The following IGFL2 variants were observed in gnomAD, a reference collection of about 807,000 sequenced individuals.
IGFL2 encodes the protein insulin growth factor-like family member 2.
IGFL2 carries 7 observed loss-of-function variants against 13.9 expected under a neutral mutation model. The ratio of observed to expected loss-of-function variants is 0.51; its 90% CI spans 0.29 to 0.95. The LOEUF is 0.95. IGFL2 is among the 40% of genes least tolerant of loss of function. The pLI is 0.08. For synonymous variants in IGFL2, 55 were observed against 55.8 expected (o/e 0.99, Z 0.07); for missense variants, 138 against 147.8 (o/e 0.93, Z 0.34).
chr19:46,162,460 C>T (rs1240740738), downstream of IGFL2, among the ~76,000 whole-genome samples: 1 of 152,220 alleles, frequency 6.6e-6, no homozygotes. Context: ...TTTACATAAT[C>T]CCATACTTCT....
At chr19:46,144,226 A>C (rs747948157), upstream of IGFL2, among the ~76,000 whole-genome samples, 1 of 152,240 alleles carries the variant, frequency 6.6e-6, no homozygotes, top group Non-Finnish European at 1.5e-5. Flanking sequence ...ATTTATGGAT[A>C]CTGAAATGCC....
At chr19:46,163,250 G>A (rs1198020962), downstream of IGFL2, among the ~76,000 whole-genome samples, 3 of 152,134 alleles carry the variant, frequency 2.0e-5, no homozygotes, top group Admixed American at 6.5e-5. Context: ...GGGACTCCTG[G>A]GCTGCCCACT....
At chr19:46,100,636 T>G in the IGFL2 span, among the ~76,000 whole-genome samples, 4 of 152,162 alleles carry the variant, frequency 2.6e-5, no homozygotes, top group Non-Finnish European at 5.9e-5. Flanking sequence ...TGCATTGCCA[T>G]GGTGAAGTTT....
the IGFL2 span, among the ~76,000 whole-genome samples, chr19:46,191,171 GA>G: frequency 6.6e-6 from 1 of 151,724 alleles, no homozygotes; most frequent in African/African-American, 2.4e-5. Context: ...ATTAATAAAG[GA>G]AAAATCATAC....
At chr19:46,175,224 T>C in the IGFL2 span, among the ~76,000 whole-genome samples, 1 of 152,258 alleles carries the variant, frequency 6.6e-6, no homozygotes, top group Non-Finnish European at 1.5e-5. Context: ...TACCTTATTT[T>C]ATTCTCCCAG....
chr19:46,131,083 T>G, the IGFL2 span, among the ~76,000 whole-genome samples: 1 of 152,236 alleles, frequency 6.6e-6, no homozygotes, highest in African/African-American at 2.4e-5. Context: ...TAACTTTTTC[T>G]ATAAGATGTG....
the IGFL2 span, among the ~76,000 whole-genome samples, chr19:46,118,781 G>A: frequency 6.6e-6 from 1 of 152,178 alleles, no homozygotes; most frequent in Non-Finnish European, 1.5e-5. Context: ...AGACTTACAC[G>A]TGAGCAGACT....
the IGFL2 span, among the ~76,000 whole-genome samples, chr19:46,093,033 C>A: frequency 6.6e-6 from 1 of 151,996 alleles, no homozygotes; most frequent in Non-Finnish European, 1.5e-5. Context: ...TCGCCTCAAG[C>A]TAATAAACTT....
chr19:46,094,853 A>G, the IGFL2 span, among the ~76,000 whole-genome samples: 135 of 152,324 alleles, frequency 8.9e-4, no homozygotes, highest in Non-Finnish European at 1.8e-3. Flanking sequence ...TGCAAAGGAC[A>G]TGATCTCATT....
chr19:46,112,875 A>G, the IGFL2 span: 4 of 152,248 alleles, frequency 2.6e-5, no homozygotes, highest in Admixed American at 6.5e-5. Context: ...AATACAGTAC[A>G]TTAGAGCTGC....
chr19:46,187,541 CCG>C, the IGFL2 span, among the ~76,000 whole-genome samples: 1 of 123,462 alleles, frequency 8.1e-6, no homozygotes, highest in Non-Finnish European at 1.7e-5. Context: ...GAGCATTAAC[CCG>C]TTTAAACCTG....
At chr19:46,171,459 C>A in the IGFL2 span, among the ~76,000 whole-genome samples, 2 of 152,160 alleles carry the variant, frequency 1.3e-5, no homozygotes, top group East Asian at 1.9e-4. Context: ...ACTGATAAAA[C>A]AATCAAACTT....
At chr19:46,200,736 G>A in the IGFL2 span, 1 of 152,076 alleles carries the variant, frequency 6.6e-6, no homozygotes, top group African/African-American at 2.4e-5. Flanking sequence ...GCCCAGGTTG[G>A]TCTTGAACTC....
chr19:46,096,997 C>A, the IGFL2 span, among the ~76,000 whole-genome samples: 2 of 152,144 alleles, frequency 1.3e-5, no homozygotes, highest in African/African-American at 4.8e-5. Flanking sequence ...TGTATCTCTG[C>A]CAGATTTTGG....
At chr19:46,173,943 G>C in the IGFL2 span, 1 of 152,208 alleles carries the variant, frequency 6.6e-6, no homozygotes, top group Non-Finnish European at 1.5e-5. Context: ...CCAAAACCCT[G>C]CAGCCTCAAG....
At chr19:46,179,289 G>A in the IGFL2 span, among the ~76,000 whole-genome samples, 1 of 148,796 alleles carries the variant, frequency 6.7e-6, no homozygotes, top group Non-Finnish European at 1.5e-5. Flanking sequence ...GGGGTGCGGG[G>A]TCTGTGAGAG....
chr19:46,173,369 C>G, the IGFL2 span, among the ~76,000 whole-genome samples: 1 of 152,194 alleles, frequency 6.6e-6, no homozygotes, highest in Non-Finnish European at 1.5e-5. Flanking sequence ...CATTATAAAG[C>G]AGACTACCTC....
chr19:46,145,634 GTATTTA>G (rs1973095626), upstream of IGFL2, among the ~76,000 whole-genome samples: 1 of 147,552 alleles, frequency 6.8e-6, no homozygotes, highest in Non-Finnish European at 1.5e-5. Context: ...GTGTGTGTGT[GTATTTA>G]TTTATTTATT....
the IGFL2 span, chr19:46,195,002 A>G: frequency 6.9e-6 from 1 of 145,184 alleles, no homozygotes; most frequent in Non-Finnish European, 1.5e-5. Context: ...GGGATGAGCC[A>G]CTGCATCTGA....
Sources: allele counts gnomAD v4.1 joint callset (sites outside exome capture counted in the v4.1 genomes callset), GRCh38; gene constraint gnomAD v4.1.1; transcripts MANE v1.5; gene names NCBI Gene and HGNC (gene_info 2026-07-23, HGNC 2026-07-21).